CPEB1: variants seen among roughly 807,000 people sequenced by gnomAD.
The protein encoded by CPEB1 is cytoplasmic polyadenylation element binding protein 1.
Under a neutral mutation model 65.8 loss-of-function variants are expected in CPEB1, and 7 were observed. The observed-to-expected ratio is 0.11, with a 90% CI of 0.06 to 0.20. The LOEUF is 0.20. Ranked by LOEUF, CPEB1 falls within the 10% of genes least tolerant of loss-of-function variation. The probability of loss-of-function intolerance (pLI) is 1.00; values close to 1 mark genes in which losing one functional copy is unlikely to be tolerated. For synonymous variants in CPEB1, 262 were observed against 260.0 expected, an observed-to-expected ratio of 1.01 and a Z score of -0.08; for missense variants, 551 against 712.2, an observed-to-expected ratio of 0.77 and a Z score of 2.58.
rs1332590593 is a variant in CPEB1, at chr15:82,608,793, T to TA, written c.271+18399dup. Among the ~76,000 whole-genome samples the TA allele has an allele frequency of 2.0e-5, 3 of 152,270 alleles. No homozygotes were observed. In the East Asian group the frequency reaches 5.8e-4, roughly 29 times the overall value. On this transcript the variant is annotated intron_variant, in intron 3 of 12. Transcript: ENST00000684509. ...TATTTTCATTTATTTATTTAATGTATAGAACAAGATGACAGTATCAGGAAG... is the reference window on the plus strand; with the variant it reads ...TATTTTCATTTATTTATTTAATGTATAAGAACAAGATGACAGTATCAGGAAG...
chr15:82,581,168 A>G (rs1269919695), intron 3 of CPEB1, among the ~76,000 whole-genome samples: 1 of 151,928 alleles, frequency 6.6e-6, no homozygotes, highest in Non-Finnish European at 1.5e-5. Flanking sequence ...CACTGATAGG[A>G]TTTTGCTATG....
chr15:82,574,114 A>G (rs1384536177), intron 3 of CPEB1, among the ~76,000 whole-genome samples: 1 of 152,184 alleles, frequency 6.6e-6, no homozygotes, highest in Non-Finnish European at 1.5e-5. Context: ...TACACACAGT[A>G]TAATTCTACC....
chr15:82,636,146 A>G (rs1483162084), intron 1 of CPEB1, among the ~76,000 whole-genome samples: 1 of 152,174 alleles, frequency 6.6e-6, no homozygotes, highest in Non-Finnish European at 1.5e-5. Context: ...CTTGATTTAA[A>G]ATATCCTCCC....
chr15:82,593,542 T>G (rs190062566), intron 3 of CPEB1, among the ~76,000 whole-genome samples: 118 of 152,324 alleles, frequency 7.7e-4, no homozygotes, highest in Middle Eastern at 6.8e-3. Context: ...CCCCTCAAAG[T>G]CATCTATGAA....
At chr15:82,565,700 TCAATCTC>T (rs2039004643) in intron 4 of CPEB1, among the ~76,000 whole-genome samples, 1 of 151,826 alleles carries the variant, frequency 6.6e-6, no homozygotes, top group Non-Finnish European at 1.5e-5. Context: ...AGTCCTAGAG[TCAATCTC>T]CAATAACGGC....
At chr15:82,614,164 A>C (rs1174170144) in intron 3 of CPEB1, among the ~76,000 whole-genome samples, 1 of 151,766 alleles carries the variant, frequency 6.6e-6, no homozygotes, top group Non-Finnish European at 1.5e-5. Flanking sequence ...AACCACATAA[A>C]AATATGGGTC....
intron 4 of CPEB1, among the ~76,000 whole-genome samples, chr15:82,558,279 A>T (rs1456154372): frequency 1.3e-5 from 2 of 152,240 alleles, no homozygotes; most frequent in African/African-American, 4.8e-5. Context: ...AGTACTTGGG[A>T]AACTGTCACT....
intron 1 of CPEB1, among the ~76,000 whole-genome samples, chr15:82,644,792 G>C (rs1371959398): frequency 1.3e-5 from 2 of 152,160 alleles, no homozygotes; most frequent in African/African-American, 4.8e-5. Flanking sequence ...CCATTTTAAA[G>C]ACTAAGAATA....
At chr15:82,548,786 C>T in intron 10 of CPEB1, 2 of 441,880 alleles carry the variant, frequency 4.5e-6, no homozygotes, top group Non-Finnish European at 9.1e-6. Context: ...GTACATGGTG[C>T]TCCTTCCTGA....
chr15:82,575,156 G>A (rs1415745511), intron 3 of CPEB1, among the ~76,000 whole-genome samples: 1 of 152,148 alleles, frequency 6.6e-6, no homozygotes, highest in African/African-American at 2.4e-5. Flanking sequence ...AACCAAAGTT[G>A]AACCAACCTA....
At chr15:82,572,016 C>T (rs2151056679) in intron 3 of CPEB1, 1 of 216,736 alleles carries the variant, frequency 4.6e-6, no homozygotes, top group Non-Finnish European at 7.9e-6. Context: ...AAGCAGCCCT[C>T]ACGCACGACT....
At chr15:82,571,609 T>C (rs1001699845) in intron 3 of CPEB1, 77 bp from the exon 4 acceptor site, 1 of 1,515,778 alleles carries the variant, frequency 6.6e-7, no homozygotes, top group African/African-American at 1.4e-5. Flanking sequence ...GTAAATATTA[T>C]TAATAATAGT....
chr15:82,585,419 A>G (rs2041714087), intron 3 of CPEB1, among the ~76,000 whole-genome samples: 1 of 152,242 alleles, frequency 6.6e-6, no homozygotes. Flanking sequence ...AAGACTTTCA[A>G]AATTTAAATG....
At chr15:82,571,645 C>G (rs1338335807) in intron 3 of CPEB1, 113 bp from the exon 4 acceptor site, 1 of 1,463,880 alleles carries the variant, frequency 6.8e-7, no homozygotes. Context: ...GGCCAGACAT[C>G]CAAGCTGGCT....
chr15:82,593,783 ATCT>A (rs915738519), intron 3 of CPEB1, among the ~76,000 whole-genome samples: 1 of 152,206 alleles, frequency 6.6e-6, no homozygotes, highest in Non-Finnish European at 1.5e-5. Context: ...TGCAAAACTG[ATCT>A]TGTGTCAGCA....
Position 82,628,525 on chromosome 15 carries a change from A to G in CPEB1, c.-66T>C. 1.4e-6 allele frequency: 1 copy of G among 692,656 alleles called. No individual in the cohort carries two copies. Among genetic ancestry groups the G allele is most frequent in the South Asian group, 1.5e-5 (1 of 64,790 alleles). 42.9% of individuals were successfully genotyped at this position (692,656 alleles called of 1,614,324 possible). On this transcript the variant is annotated 5_prime_UTR_variant, in exon 2 of 13. Coordinates refer to ENST00000684509, the MANE Select transcript of CPEB1 (RefSeq NM_001365242.1). ...AAGGCTGCTTTTGACTTCTTTTACA[A>G]TACAGACCCTTCTATTACACAGGCA...
At chr15:82,580,569 C>A (rs1249747796) in intron 3 of CPEB1, among the ~76,000 whole-genome samples, 1 of 152,124 alleles carries the variant, frequency 6.6e-6, no homozygotes, top group Non-Finnish European at 1.5e-5. Context: ...GCATACAATT[C>A]AGAGGCATTA....
Position 82,627,311 on chromosome 15 carries a change from G to C in CPEB1, c.153C>G (p.Leu51=). The C allele has an allele frequency of 6.2e-7, 1 of 1,613,658 alleles. No individual in the cohort carries two copies. The highest frequency in any genetic ancestry group is 1.1e-5 in the South Asian group (1 of 91,018). Reference sequence around the variant, plus strand: ...AGATATTGGCATTACTACACGTGGAGAGAGCAGGTGCTTCCTGGTTGTCCC... The same window carrying C: ...AGATATTGGCATTACTACACGTGGACAGAGCAGGTGCTTCCTGGTTGTCCC... ...DCWDNQEAPA[L]STCSNANIFR... Residue 51 remains leucine, a synonymous_variant, in exon 3 of 13, where the codon CTC becomes CTG. Transcript: ENST00000684509.
At chr15:82,573,306 G>T in intron 3 of CPEB1, 1 of 747,802 alleles carries the variant, frequency 1.3e-6, no homozygotes, top group South Asian at 2.1e-5. Flanking sequence ...TAGATATTCT[G>T]CTTGCTCCCT....
Sources: gnomAD v4.1 joint callset for allele counts (sites outside exome capture counted in the v4.1 genomes callset) on GRCh38, gnomAD v4.1.1 for gene constraint, MANE v1.5 for transcripts, NCBI Gene and HGNC (gene_info 2026-07-23, HGNC 2026-07-21) for gene names.